Variants in SGMS2 observed in about 807,000 individuals in gnomAD.
The protein encoded by SGMS2 is sphingomyelin synthase 2, also known as phosphatidylcholine:ceramide cholinephosphotransferase 2.
SGMS2 carries 21 observed loss-of-function variants against 43.8 expected under a neutral mutation model. The observed-to-expected ratio is 0.48, with a 90% CI of 0.34 to 0.69. The LOEUF (loss-of-function observed/expected upper bound fraction) is 0.69. Among genes scored for constraint, SGMS2 ranks in the 30% least tolerant of loss-of-function variants. The pLI is 0.01. For synonymous variants in SGMS2, 167 were observed against 160.6 expected (o/e 1.04, Z -0.30); for missense variants, 384 against 443.2 (o/e 0.87, Z 1.20).
At chr4:107,860,660 G>A (rs1727678055) in intron 2 of SGMS2, among the ~76,000 whole-genome samples, 1 of 151,996 alleles carries the variant, frequency 6.6e-6, no homozygotes, top group African/African-American at 2.4e-5. Flanking sequence ...GAATAGCTGG[G>A]ATTACAGACA....
chr4:107,832,690 G>A (rs1482290572), intron 1 of SGMS2, among the ~76,000 whole-genome samples: 1 of 152,196 alleles, frequency 6.6e-6, no homozygotes, highest in Non-Finnish European at 1.5e-5. Flanking sequence ...GGTTTACCAT[G>A]TGGAGGATTA....
At chr4:107,836,009 A>C (rs1423560746) in intron 1 of SGMS2, among the ~76,000 whole-genome samples, 5 of 152,250 alleles carry the variant, frequency 3.3e-5, no homozygotes, top group African/African-American at 9.6e-5. Context: ...AAAAAGAAAC[A>C]GATGTAATTA....
At chr4:107,829,738 ATTC>A (rs948082510) in intron 1 of SGMS2, among the ~76,000 whole-genome samples, 1 of 151,998 alleles carries the variant, frequency 6.6e-6, no homozygotes, top group African/African-American at 2.4e-5. Context: ...TTATATTATT[ATTC>A]TTTTATTTTT....
At chr4:107,862,196 G>T (rs1727773093) in intron 2 of SGMS2, among the ~76,000 whole-genome samples, 1 of 152,212 alleles carries the variant, frequency 6.6e-6, no homozygotes. Flanking sequence ...AACTGTCGGA[G>T]AATGTATATG....
chr4:107,888,859 A>T (rs1043224367), intron 2 of SGMS2, among the ~76,000 whole-genome samples: 1 of 152,154 alleles, frequency 6.6e-6, no homozygotes, highest in Non-Finnish European at 1.5e-5. Context: ...GTCTACAATT[A>T]TTTATCCCAT....
chr4:107,894,850 A>G (rs1730529045), intron 2 of SGMS2, among the ~76,000 whole-genome samples: 1 of 18,648 alleles, frequency 5.4e-5, no homozygotes, highest in African/African-American at 8.0e-5. Flanking sequence ...CTATTTTGAC[A>G]AATGAAGAGT....
At chr4:107,905,840 A>G (rs1731512049) in intron 5 of SGMS2, among the ~76,000 whole-genome samples, 1 of 152,226 alleles carries the variant, frequency 6.6e-6, no homozygotes, top group African/African-American at 2.4e-5. Flanking sequence ...GATTGATTTT[A>G]TACTTTAATG....
At chr4:107,842,488 C>T (rs1396344570) in intron 1 of SGMS2, among the ~76,000 whole-genome samples, 1 of 152,208 alleles carries the variant, frequency 6.6e-6, no homozygotes, top group Admixed American at 6.5e-5. Flanking sequence ...CTGCCAGGTT[C>T]TACCTCCAAC....
chr4:107,833,664 CT>C (rs967925998), intron 1 of SGMS2, among the ~76,000 whole-genome samples: 1 of 152,102 alleles, frequency 6.6e-6, no homozygotes, highest in Non-Finnish European at 1.5e-5. Context: ...ATCCAAAAGA[CT>C]TCTGGTCCCA....
intron 2 of SGMS2, among the ~76,000 whole-genome samples, chr4:107,868,915 G>T (rs1578566423): frequency 6.6e-6 from 1 of 152,060 alleles, no homozygotes; most frequent in South Asian, 2.1e-4. Flanking sequence ...AAGTAATTTT[G>T]TGCATTTTCT....
chr4:107,875,451 AT>A lies in SGMS2; in HGVS notation c.-245+16899del, dbSNP rs370534203. Reference sequence around the variant, plus strand: ...GTTCTTACTTATAAGTGGAAGCTAAATATTGAGAACACATGGACACATAGAG... The same window carrying A: ...GTTCTTACTTATAAGTGGAAGCTAAAATTGAGAACACATGGACACATAGAG... On this transcript the variant is annotated intron_variant, in intron 2 of 6. Coordinates refer to ENST00000690982, the MANE Select transcript of SGMS2 (RefSeq NM_001375905.1). 6.6e-4 allele frequency among the ~76,000 whole-genome samples: 100 copies of A among 152,326 alleles called. 2 individuals carry two copies. In the East Asian group the frequency reaches 0.019, roughly 29 times the overall value.
chr4:107,845,103 G>A (rs549177840), intron 1 of SGMS2, among the ~76,000 whole-genome samples: 1 of 152,314 alleles, frequency 6.6e-6, no homozygotes, highest in South Asian at 2.1e-4. Flanking sequence ...CAGGAAAAAT[G>A]AGACAAGAGG....
intron 2 of SGMS2, among the ~76,000 whole-genome samples, chr4:107,892,613 G>T: frequency 6.6e-6 from 1 of 152,120 alleles, no homozygotes; most frequent in East Asian, 1.9e-4. Context: ...ATTTTAGGGG[G>T]ATATGAGACA....
chr4:107,880,834 A>T (rs531602786), intron 2 of SGMS2, among the ~76,000 whole-genome samples: 20 of 148,434 alleles, frequency 1.3e-4, no homozygotes, highest in Admixed American at 1.3e-3. Context: ...AGCCTAGGTG[A>T]CATAGCGAGA....
At chr4:107,881,565 T>A (rs1184659737) in intron 2 of SGMS2, among the ~76,000 whole-genome samples, 1 of 152,136 alleles carries the variant, frequency 6.6e-6, no homozygotes, top group Admixed American at 6.5e-5. Context: ...TCAGGGTAAA[T>A]GGGGTATCCA....
intron 1 of SGMS2, among the ~76,000 whole-genome samples, chr4:107,834,579 G>A (rs527970820): frequency 6.6e-6 from 1 of 152,172 alleles, no homozygotes; most frequent in Admixed American, 6.5e-5. Context: ...TAAAGATCTG[G>A]TATTTTCTCA....
chr4:107,837,295 C>G (rs771986440), intron 1 of SGMS2, among the ~76,000 whole-genome samples: 1 of 152,052 alleles, frequency 6.6e-6, no homozygotes, highest in Non-Finnish European at 1.5e-5. Flanking sequence ...GAGATTTGGA[C>G]TAGTTATTGG....
At chr4:107,893,533 A>G (rs904891682) in intron 2 of SGMS2, 3 of 152,230 alleles carry the variant, frequency 2.0e-5, no homozygotes, top group Non-Finnish European at 2.9e-5. Context: ...TATTCTTCCC[A>G]CAACATTGTG....
At chr4:107,892,903 T>C (rs1730349392) in intron 2 of SGMS2, among the ~76,000 whole-genome samples, 1 of 152,184 alleles carries the variant, frequency 6.6e-6, no homozygotes, top group Admixed American at 6.5e-5. Context: ...TATTTTCCTT[T>C]CAAAATAGGA....
Sources: allele counts gnomAD v4.1 joint callset (sites outside exome capture counted in the v4.1 genomes callset), GRCh38; gene constraint gnomAD v4.1.1; transcripts MANE v1.5; gene names NCBI Gene and HGNC (gene_info 2026-07-23, HGNC 2026-07-21).